MTMR4: variants seen among roughly 807,000 people sequenced by gnomAD.
MTMR4 encodes phosphatidylinositol-3,5-bisphosphate 3-phosphatase MTMR4.
A neutral mutation model predicts 125.5 loss-of-function variants in MTMR4; 30 were observed. That is an observed-to-expected ratio of 0.24 (90% CI 0.18 to 0.32). MTMR4 has a LOEUF of 0.32. Ranked by LOEUF, MTMR4 falls within the 10% of genes least tolerant of loss-of-function variation. The pLI is 1.00. For synonymous variants in MTMR4, 498 were observed against 564.5 expected (o/e 0.88, Z 1.67); for missense variants, 1,039 against 1,511.5 (o/e 0.69, Z 5.18).
rs1280065410 is a variant in MTMR4, at chr17:58,489,812, G to C, written c.*1851C>G. ...AAATGTTACCAATCTTACTCCCCTT[G>C]AAAACAGGCAGAGTGAAGTGCAATG... On this transcript the variant is annotated 3_prime_UTR_variant, in exon 18 of 18. Coordinates refer to ENST00000682306, the MANE Select transcript of MTMR4 (RefSeq NM_001378067.1). The C allele has an allele frequency of 6.6e-6, 1 of 152,554 alleles. No homozygotes were observed. The highest frequency in any genetic ancestry group is 2.4e-5 in the African/African-American group (1 of 41,416). The allele number at this position is 152,554 out of a possible 1,614,324, so 9.5% of individuals were successfully genotyped here. A position where few individuals can be genotyped will look rare whatever the true frequency, so the allele number is the denominator to read the frequency against.
At chr17:58,509,916 T>C (rs1975883202) in intron 4 of MTMR4, among the ~76,000 whole-genome samples, 1 of 152,200 alleles carries the variant, frequency 6.6e-6, no homozygotes, top group African/African-American at 2.4e-5. Context: ...CAGATTCCTC[T>C]TTCTTTCACT....
intron 14 of MTMR4, among the ~76,000 whole-genome samples, chr17:58,501,591 C>T (rs1395218396): frequency 6.6e-6 from 1 of 150,774 alleles, no homozygotes; most frequent in Non-Finnish European, 1.5e-5. Context: ...ATATAGTATA[C>T]ATATATACAC....
Position 58,507,918 on chromosome 17 carries a change from T to TACAC in MTMR4, c.707+239_707+242dup, listed in dbSNP as rs57157273. Reference sequence around the variant, plus strand: ...GTGTATAAAATAATGTACTATTTTATACACACACACACACACACACACACA... The same window carrying TACAC: ...GTGTATAAAATAATGTACTATTTTATACACACACACACACACACACACACACACA... On this transcript the variant is annotated intron_variant, in intron 7 of 17. Coordinates refer to ENST00000682306, the MANE Select transcript of MTMR4 (RefSeq NM_001378067.1). 617 of 342,440 alleles carry TACAC rather than the reference T, an allele frequency of 1.8e-3. 1 individual carries two copies. Among genetic ancestry groups the TACAC allele is most frequent in the Admixed American group, 3.1e-3 (70 of 22,568 alleles). 21.2% of individuals were successfully genotyped at this position (342,440 alleles called of 1,614,324 possible). A position where few individuals can be genotyped will look rare whatever the true frequency, so the allele number is the denominator to read the frequency against.
At position 58,495,728 on chromosome 17, in the gene MTMR4, C is replaced by T. The variant is rs138396973; in HGVS notation, c.2456G>A (p.Cys819Tyr). The T allele has an allele frequency of 1.7e-4, 269 of 1,614,148 alleles. 1 individual carries two copies. In the African/African-American group the frequency reaches 2.2e-3, roughly 13 times the overall value. ...GGTGCTGAGGCTGTGATCAAGAACA[C>T]ACTTGGAGGGCACACCTAGCATGGA... The part of the protein sequence containing the change: ...PDSMLGVPSK[C>Y]VLDHSLSTVC... The change falls in exon 15 of 18, where the codon TGT (cysteine) becomes TAT (tyrosine). Residue 819 changes from cysteine to tyrosine, a missense_variant. By Grantham distance (194) the Cys-to-Tyr change is radical (BLOSUM62 -2). Around this residue, in one of 6 missense-constraint regions of MTMR4, gnomAD observed 619 missense variants for 714.5 expected, o/e 0.87. Coordinates refer to ENST00000682306, the MANE Select transcript of MTMR4 (RefSeq NM_001378067.1).
chr17:58,494,313 T>A (rs1598211141), intron 15 of MTMR4, among the ~76,000 whole-genome samples: 1 of 111,100 alleles, frequency 9.0e-6, no homozygotes, highest in African/African-American at 3.5e-5. Flanking sequence ...AGAGCGAGAC[T>A]CCGTCTCAAA....
intron 13 of MTMR4, 56 bp downstream of exon 13, chr17:58,503,994 C>T (rs879541641): frequency 1.6e-5 from 25 of 1,542,502 alleles, no homozygotes; most frequent in Non-Finnish European, 2.1e-5. Context: ...ACTGACTCAG[C>T]TGCTTCTCCC....
intron 14 of MTMR4, among the ~76,000 whole-genome samples, chr17:58,502,695 C>T (rs572262217): frequency 2.0e-5 from 3 of 151,968 alleles, no homozygotes; most frequent in Non-Finnish European, 4.4e-5. Context: ...AAGTAAAAAG[C>T]GTATGTAAAA....
chr17:58,507,001 G>T, intron 8 of MTMR4, 122 bp downstream of exon 8: 2 of 1,549,286 alleles, frequency 1.3e-6, no homozygotes, highest in Admixed American at 3.6e-5. Flanking sequence ...TTCTGACAAG[G>T]CAGGGACCCC....
chr17:58,500,263 A>G (rs1176907387), intron 14 of MTMR4, among the ~76,000 whole-genome samples: 1 of 152,110 alleles, frequency 6.6e-6, no homozygotes, highest in Non-Finnish European at 1.5e-5. Context: ...AGTAGCTGGG[A>G]CCACAGGCGC....
intron 14 of MTMR4, among the ~76,000 whole-genome samples, chr17:58,498,004 G>C (rs1975517477): frequency 6.6e-6 from 1 of 152,170 alleles, no homozygotes. Context: ...AAGGCAGGCA[G>C]ATCTCTCGAG....
chr17:58,506,896 CCT>C, intron 8 of MTMR4, 25 bp from the exon 9 acceptor site: 1 of 1,603,552 alleles, frequency 6.2e-7, no homozygotes, highest in African/African-American at 1.3e-5. Flanking sequence ...GGAAGGAGTC[CCT>C]GAGTCAGCCA....
chr17:58,507,116 A>C lies in MTMR4; in HGVS notation c.904+7T>G, dbSNP rs1254261137. On this transcript the variant is annotated splice_region_variant and intron_variant, in intron 8 of 17. Transcript: ENST00000682306. ...TCCCTGGGGGGTTAGCATCATCCAC[A>C]CCTTACCAAAGTCAGCATCACACGC... 10 of 1,613,884 alleles carry C rather than the reference A, an allele frequency of 6.2e-6. No individual in the cohort carries two copies. The highest frequency in any genetic ancestry group is 7.6e-6 in the Non-Finnish European group (9 of 1,179,954).
At chr17:58,506,290 C>T (rs945588284) in intron 9 of MTMR4, among the ~76,000 whole-genome samples, 4 of 152,200 alleles carry the variant, frequency 2.6e-5, no homozygotes, top group Non-Finnish European at 5.9e-5. Context: ...GCAAGCGATT[C>T]TCATGCCTCA....
chr17:58,504,756 TCC>T lies in MTMR4; in HGVS notation c.1341+21_1341+22del. On this transcript the variant is annotated intron_variant, in intron 11 of 17. Coordinates refer to ENST00000682306, the MANE Select transcript of MTMR4 (RefSeq NM_001378067.1). The surrounding 1 kb of genome is among the most constrained non-coding windows in gnomAD (Gnocchi z 7.1). Reference sequence around the variant, plus strand: ...CCTCCTGCCACATTCCTTCTGGTTTTCCCACCGAATTCCTCTCAATACCTCCA... The same window carrying T: ...CCTCCTGCCACATTCCTTCTGGTTTTCACCGAATTCCTCTCAATACCTCCA... 5 of 1,575,872 alleles carry T rather than the reference TCC, an allele frequency of 3.2e-6. No individual in the cohort carries two copies. Among genetic ancestry groups the T allele is most frequent in the Non-Finnish European group, 3.5e-6 (4 of 1,156,980 alleles).
rs1975460797 is a variant in MTMR4 at position 58,496,132 on chromosome 17, T to A, written c.2052A>T (p.Val684=). The A allele has an allele frequency of 6.2e-7, 1 of 1,614,074 alleles. No individual in the cohort carries two copies. Among genetic ancestry groups the A allele is most frequent in the African/African-American group, 1.3e-5 (1 of 74,940 alleles). ...DSGVGGPQQT[V]GEVGLPPPLP... ...GAGGAGGAGGAAGACCCACTTCTCC[T>A]ACAGTTTGCTGAGGCCCTCCTACCC... Residue 684 remains valine, a synonymous_variant, in exon 15 of 18, where the codon GTA becomes GTT. Transcript: ENST00000682306.
In MTMR4 at chr17:58,512,233, G is replaced by A. The variant is rs926799008; in HGVS notation, c.252+157C>T. ...ACTCCTGACCTCAAGTGATCCACCCGCCTCGGCCTCCCAAAGTGCTGGGAT... is the reference window on the plus strand; with the variant it reads ...ACTCCTGACCTCAAGTGATCCACCCACCTCGGCCTCCCAAAGTGCTGGGAT... On this transcript the variant is annotated intron_variant, in intron 3 of 17. Transcript: ENST00000682306. This position sits in a 1 kb window ranked among gnomAD's most constrained non-coding sequence, Gnocchi z 4.1. 2.0e-5 allele frequency among the ~76,000 whole-genome samples: 3 copies of A among 152,116 alleles called. No individual in the cohort carries two copies. Among genetic ancestry groups the A allele is most frequent in the Non-Finnish European group, 4.4e-5 (3 of 68,008 alleles).
rs761715668 is a variant in MTMR4 at position 58,508,878 on chromosome 17, A to AGTGC, written c.336-41_336-38dup. On this transcript the variant is annotated intron_variant, in intron 4 of 17. Transcript: ENST00000682306. The surrounding 1 kb of genome is among the most constrained non-coding windows in gnomAD (Gnocchi z 4.8). ...GAAGCCACAGGCCTAGGTGAGGCAAAGTGCAGTTGTGCCATGGGGCTATCA... is the reference window on the plus strand; with the variant it reads ...GAAGCCACAGGCCTAGGTGAGGCAAAGTGCGTGCAGTTGTGCCATGGGGCTATCA... The AGTGC allele has an allele frequency of 1.1e-5, 17 of 1,598,950 alleles. No individual in the cohort carries two copies. The highest frequency in any genetic ancestry group is 1.0e-4 in the Admixed American group (6 of 59,620).
chr17:58,507,127 G>A lies in MTMR4; in HGVS notation c.900C>T (p.Asp300=), dbSNP rs530944841. The A allele has an allele frequency of 3.8e-5, 62 of 1,614,162 alleles. 1 individual carries two copies. In the South Asian group the frequency reaches 5.4e-4, roughly 14 times the overall value. ...NNDTSEACDA[D]FDSSLTACSG... is the part of the protein sequence containing the mutation. The stretch of plus-strand genomic sequence containing the variant: ...TTAGCATCATCCACACCTTACCAAA[G>A]TCAGCATCACACGCCTCGCTGGTAT... The change falls in exon 8 of 18, where the codon GAC becomes GAT. Residue 300 remains aspartate, a synonymous_variant. Coordinates refer to ENST00000682306, the MANE Select transcript of MTMR4 (RefSeq NM_001378067.1).
upstream of MTMR4, chr17:58,515,000 T>C (rs535683624): frequency 3.2e-4 from 312 of 984,866 alleles, 5 homozygotes; most frequent in South Asian, 0.01. Context: ...ACCATGCCCC[T>C]GCCCATCAGG....
Sources: gnomAD v4.1 joint callset for allele counts (sites outside exome capture counted in the v4.1 genomes callset) on GRCh38, gnomAD v4.1.1 for gene constraint, gnomAD v4.1.1 regional missense constraint, Gnocchi (gnomAD v3.1) non-coding constraint, MANE v1.5 for transcripts, NCBI Gene and HGNC (gene_info 2026-07-23, HGNC 2026-07-21) for gene names.